The following GABRB2 variants were observed in gnomAD, a reference collection of about 807,000 sequenced individuals.
GABRB2 encodes gamma-aminobutyric acid receptor subunit beta-2.
Under a neutral mutation model 54.7 loss-of-function variants are expected in GABRB2, and 16 were observed. The ratio of observed to expected loss-of-function variants is 0.29; its 90% CI spans 0.20 to 0.44. The LOEUF is 0.44. Among genes scored for constraint, GABRB2 ranks in the 20% least tolerant of loss-of-function variants. The pLI is 1.00. For missense variants in GABRB2, 355 were observed against 644.0 expected (o/e 0.55, Z 4.86); for synonymous variants, 244 against 233.8 (o/e 1.04, Z -0.40).
rs1758185218 is a variant in GABRB2 at position 161,463,554 on chromosome 5, TTTATATA to T, written c.238-3717_238-3711del. On this transcript the variant is annotated intron_variant, in intron 3 of 9. Coordinates refer to ENST00000393959, the MANE Select transcript of GABRB2 (RefSeq NM_001371727.1). ...GACAAGGTGATTCCAAATATTTTTA[TTTATATA>T]TATATATATATATATATATATATAT... 3.2e-4 allele frequency among the ~76,000 whole-genome samples: 7 copies of T among 22,066 alleles called. 1 individual carries two copies. The highest frequency in any genetic ancestry group is 1.0e-3 in the African/African-American group (7 of 6,764). 14.5% of individuals were successfully genotyped at this position (22,066 alleles called of 152,430 possible).
intron 3 of GABRB2, among the ~76,000 whole-genome samples, chr5:161,526,070 T>C (rs1476218563): frequency 6.6e-6 from 1 of 151,402 alleles, no homozygotes; most frequent in Admixed American, 6.6e-5. Flanking sequence ...TACAATTCAA[T>C]GAAAGACTTT....
intron 4 of GABRB2, among the ~76,000 whole-genome samples, chr5:161,426,501 G>C (rs758165295): frequency 6.7e-6 from 1 of 148,940 alleles, no homozygotes; most frequent in African/African-American, 2.6e-5. Flanking sequence ...GAAAAAAAAT[G>C]TACTTGACTG....
intron 9 of GABRB2, among the ~76,000 whole-genome samples, chr5:161,318,598 C>T (rs1000094983): frequency 5.9e-5 from 9 of 152,048 alleles, no homozygotes; most frequent in Non-Finnish European, 1.0e-4. Context: ...GCATTCACTG[C>T]TGTGATTTTA....
chr5:161,390,019 AGG>A lies in GABRB2; in HGVS notation c.541+20954_541+20955del, dbSNP rs538170331. On this transcript the variant is annotated intron_variant, in intron 5 of 9. Coordinates refer to ENST00000393959, the MANE Select transcript of GABRB2 (RefSeq NM_001371727.1). Reference sequence around the variant, plus strand: ...CATAGGGCTGTTTGACAATAACAGTAGGCAATGTATAATTAGGCAACATATAT... The same window carrying A: ...CATAGGGCTGTTTGACAATAACAGTACAATGTATAATTAGGCAACATATAT... Among the ~76,000 whole-genome samples the A allele has an allele frequency of 4.1e-4, 63 of 152,206 alleles. No individual in the cohort carries two copies. In the East Asian group the frequency reaches 0.012, roughly 29 times the overall value.
At chr5:161,536,570 T>C (rs1760643008) in intron 3 of GABRB2, among the ~76,000 whole-genome samples, 1 of 152,152 alleles carries the variant, frequency 6.6e-6, no homozygotes, top group South Asian at 2.1e-4. Flanking sequence ...ACCCACTTTG[T>C]ATCTTCAACC....
chr5:161,517,644 G>A lies in GABRB2; in HGVS notation c.237+27583C>T, dbSNP rs143383742. Among the ~76,000 whole-genome samples the A allele has an allele frequency of 6.5e-3, 985 of 152,258 alleles. 7 individuals carry two copies. Among genetic ancestry groups the A allele is most frequent in the African/African-American group, 0.022 (909 of 41,552 alleles). ...ACTGCCGCTATTGCAGTGGTCCACC[G>A]CCTGCATTACTGCATCATGTGCCCA... On this transcript the variant is annotated intron_variant, in intron 3 of 9. Transcript: ENST00000393959.
chr5:161,317,106 A>G (rs922756152), intron 9 of GABRB2, among the ~76,000 whole-genome samples: 3 of 152,078 alleles, frequency 2.0e-5, no homozygotes, highest in Non-Finnish European at 2.9e-5. Context: ...AACGTAATGA[A>G]AAGATCATAC....
chr5:161,536,696 A>G (rs1251162223), intron 3 of GABRB2, among the ~76,000 whole-genome samples: 1 of 152,136 alleles, frequency 6.6e-6, no homozygotes, highest in Non-Finnish European at 1.5e-5. Context: ...TCCCAGGTTC[A>G]AGCAATTCTC....
At chr5:161,334,635 G>T in intron 7 of GABRB2, 117 bp downstream of exon 7, 1 of 968,674 alleles carries the variant, frequency 1.0e-6, no homozygotes, top group Non-Finnish European at 1.6e-6. Context: ...CTCTTACAGT[G>T]TGAGAGGTTC....
intron 3 of GABRB2, among the ~76,000 whole-genome samples, chr5:161,538,863 A>T (rs540211885): frequency 6.6e-6 from 1 of 152,244 alleles, no homozygotes; most frequent in African/African-American, 2.4e-5. Flanking sequence ...AATATATTTC[A>T]TGAGGTCAGG....
At chr5:161,310,802 G>T (rs1237361239) in intron 9 of GABRB2, among the ~76,000 whole-genome samples, 1 of 144,080 alleles carries the variant, frequency 6.9e-6, no homozygotes, top group African/African-American at 2.6e-5. Flanking sequence ...TCGCTCTGTC[G>T]CCCAGGCTGG....
intron 5 of GABRB2, among the ~76,000 whole-genome samples, chr5:161,362,834 T>C (rs568630434): frequency 3.2e-4 from 49 of 152,102 alleles, no homozygotes; most frequent in Non-Finnish European, 6.3e-4. Flanking sequence ...TGAGATACCA[T>C]CTCACGCCAA....
chr5:161,484,808 A>G (rs1758868928), intron 3 of GABRB2, among the ~76,000 whole-genome samples: 1 of 151,780 alleles, frequency 6.6e-6, no homozygotes, highest in Non-Finnish European at 1.5e-5. Context: ...CCTCTAAAGC[A>G]TTTTCCACAC....
In GABRB2 at chr5:161,315,523, G is replaced by T. The variant is rs114472808; in HGVS notation, c.1191+10845C>A. On this transcript the variant is annotated intron_variant, in intron 9 of 9. Transcript: ENST00000393959. ...AGTGATTATTGAGATAAATGAAAAT[G>T]ATATCAGGACCCATTATTATTATAA... 5.1e-3 allele frequency among the ~76,000 whole-genome samples: 774 copies of T among 152,190 alleles called. 4 individuals carry two copies. Among genetic ancestry groups the T allele is most frequent in the African/African-American group, 0.018 (736 of 41,528 alleles).
intron 5 of GABRB2, among the ~76,000 whole-genome samples, chr5:161,365,680 A>ATC (rs1230807832): frequency 6.6e-6 from 1 of 152,190 alleles, no homozygotes; most frequent in Non-Finnish European, 1.5e-5. Context: ...AGGTTAAGAT[A>ATC]TCTGCTCCAA....
intron 3 of GABRB2, among the ~76,000 whole-genome samples, chr5:161,542,408 A>T (rs1760848785): frequency 6.6e-6 from 1 of 152,222 alleles, no homozygotes; most frequent in Non-Finnish European, 1.5e-5. Context: ...GAATAAAACA[A>T]GGTATATCTA....
chr5:161,472,455 T>C (rs1045990934), intron 3 of GABRB2, among the ~76,000 whole-genome samples: 2 of 146,502 alleles, frequency 1.4e-5, no homozygotes, highest in African/African-American at 5.1e-5. Flanking sequence ...TACGCACACA[T>C]GCACACACAC....
Position 161,546,484 on chromosome 5 carries a change from T to C in GABRB2, c.78-71A>G, listed in dbSNP as rs915912514. ...CATAGCGTTTTCAGCATCGGATCCCTACTACATTTCCCTGCTCACAGAGGT... is the reference window on the plus strand; with the variant it reads ...CATAGCGTTTTCAGCATCGGATCCCCACTACATTTCCCTGCTCACAGAGGT... On this transcript the variant is annotated intron_variant, in intron 1 of 9. Coordinates refer to ENST00000393959, the MANE Select transcript of GABRB2 (RefSeq NM_001371727.1). The C allele has an allele frequency of 1.2e-5, 19 of 1,569,148 alleles. No individual in the cohort carries two copies. The Admixed American group carries it at 3.2e-4, about 27-fold the overall frequency.
chr5:161,453,829 G>A (rs1757863222), intron 4 of GABRB2, among the ~76,000 whole-genome samples: 1 of 151,978 alleles, frequency 6.6e-6, no homozygotes, highest in African/African-American at 2.4e-5. Context: ...TTGAAATCAG[G>A]AGTTGAAGAC....
Sources: allele counts gnomAD v4.1 joint callset (sites outside exome capture counted in the v4.1 genomes callset), GRCh38; gene constraint gnomAD v4.1.1; transcripts MANE v1.5; gene names NCBI Gene and HGNC (gene_info 2026-07-23, HGNC 2026-07-21).